Variants in CHST15 observed in about 807,000 individuals in gnomAD.
CHST15 encodes carbohydrate sulfotransferase 15.
Under a neutral mutation model 53.6 loss-of-function variants are expected in CHST15, and 30 were observed. The observed-to-expected ratio is 0.56, with a 90% confidence interval of 0.42 to 0.76. CHST15 has a LOEUF of 0.76. Ranked by LOEUF, CHST15 falls within the 30% of genes least tolerant of loss-of-function variation. The probability of loss-of-function intolerance (pLI) is 0.00; values close to 1 mark genes in which losing one functional copy is unlikely to be tolerated. For missense variants in CHST15, 627 were observed against 740.5 expected, an observed-to-expected ratio of 0.85 and a Z score of 1.78; for synonymous variants, 296 against 289.8, an observed-to-expected ratio of 1.02 and a Z score of -0.22.
chr10:124,046,258 G>T lies in CHST15; in HGVS notation c.-46C>A. 6.5e-7 allele frequency: 1 copy of T among 1,527,004 alleles called. No homozygotes were observed. The allele number at this position is 1,527,004 out of a possible 1,614,324, so 94.6% of individuals were successfully genotyped here. ...CTGCTGGCTTACCGAGCCATGGGTG[G>T]GCCCCCCACGAGTCTGGATGTCCGC... On this transcript the variant is annotated 5_prime_UTR_variant, in exon 2 of 8. Coordinates refer to ENST00000435907, the MANE Select transcript of CHST15 (RefSeq NM_001270764.2).
intron 1 of CHST15, among the ~76,000 whole-genome samples, chr10:124,052,420 C>CTAT (rs1282471510): frequency 3.9e-5 from 6 of 152,258 alleles, no homozygotes; most frequent in Admixed American, 1.3e-4. Flanking sequence ...ATTCACTGGC[C>CTAT]CATAGCACAG....
In CHST15 at chr10:124,036,400, C is replaced by T. The variant is rs532477547; in HGVS notation, c.1190+2115G>A. On this transcript the variant is annotated intron_variant, in intron 5 of 7. Coordinates refer to ENST00000435907, the MANE Select transcript of CHST15 (RefSeq NM_001270764.2). The surrounding 1 kb of genome is among the most constrained non-coding windows in gnomAD (Gnocchi z 5.1). ...GCTGGGAGATGCAGAGAGCAGGGAG[C>T]GAAACCACACCTGGCACCTGCTAGA... 3.3e-5 allele frequency among the ~76,000 whole-genome samples: 5 copies of T among 152,236 alleles called. No homozygotes were observed. The highest frequency in any genetic ancestry group is 5.9e-5 in the Non-Finnish European group (4 of 68,022).
intron 5 of CHST15, among the ~76,000 whole-genome samples, chr10:124,030,003 T>C (rs1456627154): frequency 6.6e-6 from 1 of 152,234 alleles, no homozygotes; most frequent in African/African-American, 2.4e-5. Flanking sequence ...GGAACCGTCC[T>C]TTCCAAACAA....
intron 5 of CHST15, among the ~76,000 whole-genome samples, chr10:124,028,336 A>G (rs931208617): frequency 1.3e-5 from 2 of 152,212 alleles, no homozygotes; most frequent in Non-Finnish European, 2.9e-5. Flanking sequence ...GTGGTTGTTC[A>G]TCGGCCTGGC....
intron 1 of CHST15, among the ~76,000 whole-genome samples, chr10:124,087,533 A>G (rs923260417): frequency 3.3e-5 from 5 of 152,136 alleles, no homozygotes; most frequent in Non-Finnish European, 7.3e-5. Flanking sequence ...CTGTTTCAAT[A>G]TTTTTACCAC....
intron 1 of CHST15, among the ~76,000 whole-genome samples, chr10:124,057,060 A>G (rs1948409489): frequency 6.6e-6 from 1 of 152,222 alleles, no homozygotes; most frequent in South Asian, 2.1e-4. Flanking sequence ...AGAGCAGCAA[A>G]GGAGGGACCT....
chr10:124,011,342 T>C (rs1239349368), intron 7 of CHST15: 1 of 962,800 alleles, frequency 1.0e-6, no homozygotes, highest in Non-Finnish European at 1.2e-6. Context: ...AGCTCATTAA[T>C]GGGACAGAGT....
chr10:124,091,895 A>T (rs1044949578), intron 1 of CHST15, among the ~76,000 whole-genome samples: 25 of 152,132 alleles, frequency 1.6e-4, no homozygotes, highest in Admixed American at 1.6e-3. Context: ...CCGCCGTCCC[A>T]GCCGCGCCGG....
At chr10:124,010,801 G>T (rs933633864) in intron 7 of CHST15, 40 of 985,322 alleles carry the variant, frequency 4.1e-5, no homozygotes, top group African/African-American at 7.0e-5. Context: ...AGGTCCCTGG[G>T]CCTGCACAGT....
rs1036570173 is a variant in CHST15 at position 124,024,459 on chromosome 10, C to T, written c.1191-3047G>A. Among the ~76,000 whole-genome samples the T allele has an allele frequency of 2.6e-5, 4 of 152,124 alleles. No homozygotes were observed. Among genetic ancestry groups the T allele is most frequent in the East Asian group, 1.9e-4 (1 of 5,194 alleles). ...CACAGAGTTCCTAGAATCAAAACACCCACCGGAACAGGAGTGTTCCATCTA... is the reference window on the plus strand; with the variant it reads ...CACAGAGTTCCTAGAATCAAAACACTCACCGGAACAGGAGTGTTCCATCTA... On this transcript the variant is annotated intron_variant, in intron 5 of 7. Transcript: ENST00000435907. The surrounding 1 kb of genome is among the most constrained non-coding windows in gnomAD (Gnocchi z 4.0).
intron 1 of CHST15, among the ~76,000 whole-genome samples, chr10:124,088,573 T>C (rs920967918): frequency 2.0e-5 from 3 of 152,198 alleles, no homozygotes; most frequent in Non-Finnish European, 4.4e-5. Flanking sequence ...CACCCCCTTA[T>C]TTCCCTCCTG....
intron 3 of CHST15, among the ~76,000 whole-genome samples, chr10:124,042,694 GT>G (rs1476340980): frequency 6.6e-6 from 1 of 152,192 alleles, no homozygotes; most frequent in Non-Finnish European, 1.5e-5. Flanking sequence ...AAGCTAGACA[GT>G]GGCAGATTAA....
At chr10:124,055,888 A>C (rs1948362588) in intron 1 of CHST15, among the ~76,000 whole-genome samples, 2 of 152,206 alleles carry the variant, frequency 1.3e-5, no homozygotes, top group Admixed American at 1.3e-4. Flanking sequence ...AGTCATTCAC[A>C]GTAAGAAACA....
intron 1 of CHST15, among the ~76,000 whole-genome samples, chr10:124,081,336 CCATGCATGCACACACATG>C (rs1949228813): frequency 6.6e-6 from 1 of 150,462 alleles, no homozygotes; most frequent in Admixed American, 6.6e-5. Context: ...GAATCCAGGT[CCATGCATGCACACACATG>C]CACGCATGCA....
At position 124,009,231 on chromosome 10, in the gene CHST15, T is replaced by C. The variant is rs1946345829; in HGVS notation, c.*918A>G. ...ATTACCTAGATTTTCCAAGAAGTGT[T>C]CAATTCCTTGAGGTTGCTCATTCTG... On this transcript the variant is annotated 3_prime_UTR_variant, in exon 8 of 8. Coordinates refer to ENST00000435907, the MANE Select transcript of CHST15 (RefSeq NM_001270764.2). The C allele has an allele frequency of 8.9e-7, 1 of 1,120,536 alleles. No individual in the cohort carries two copies. The highest frequency in any genetic ancestry group is 6.5e-5 in the East Asian group (1 of 15,320). 69.4% of individuals were successfully genotyped at this position (1,120,536 alleles called of 1,614,324 possible).
At chr10:124,042,199 T>C in intron 4 of CHST15, 102 bp downstream of exon 4, 13 of 1,239,230 alleles carry the variant, frequency 1.0e-5, no homozygotes, top group East Asian at 2.4e-5. Flanking sequence ...GCTGCCACCA[T>C]GTAAATGTTC....
At chr10:124,073,235 C>T (rs556639434) in intron 1 of CHST15, among the ~76,000 whole-genome samples, 15 of 152,322 alleles carry the variant, frequency 9.8e-5, no homozygotes, top group African/African-American at 3.6e-4. Context: ...CGGACAAATA[C>T]AATTCAGCTG....
intron 5 of CHST15, among the ~76,000 whole-genome samples, chr10:124,025,552 T>G (rs941936260): frequency 1.3e-5 from 2 of 152,206 alleles, no homozygotes; most frequent in African/African-American, 4.8e-5. Flanking sequence ...GAACAGGGAC[T>G]AGATTCACCA....
chr10:124,037,756 A>G (rs7080860), intron 5 of CHST15, among the ~76,000 whole-genome samples: 38,108 of 151,964 alleles, frequency 0.25, 5,103 homozygotes, highest in African/African-American at 0.31. Context: ...TCTGCTCAGC[A>G]TTGTTCTTCC....
Sources: gnomAD v4.1 joint callset for allele counts (sites outside exome capture counted in the v4.1 genomes callset) on GRCh38, gnomAD v4.1.1 for gene constraint, Gnocchi (gnomAD v3.1) non-coding constraint, MANE v1.5 for transcripts, NCBI Gene and HGNC (gene_info 2026-07-23, HGNC 2026-07-21) for gene names.